TAF3: variants seen among roughly 807,000 people sequenced by gnomAD.
TAF3 encodes transcription initiation factor TFIID subunit 3.
A neutral mutation model predicts 80.6 loss-of-function variants in TAF3; 7 were observed. The ratio of observed to expected loss-of-function variants is 0.09; its 90% CI spans 0.05 to 0.16. The LOEUF (loss-of-function observed/expected upper bound fraction) is 0.16. Ranked by LOEUF, TAF3 falls within the 10% of genes least tolerant of loss-of-function variation. The pLI, the probability that TAF3 is intolerant of heterozygous loss-of-function variation, is 1.00. For missense variants in TAF3, 921 were observed against 1,140.2 expected (o/e 0.81, Z 2.77); for synonymous variants, 444 against 446.1 (o/e 1.00, Z 0.06).
In TAF3 at chr10:7,832,589, G is replaced by C. The variant is rs188725068; in HGVS notation, c.409+8029G>C. Among the ~76,000 whole-genome samples the C allele has an allele frequency of 3.3e-3, 497 of 152,108 alleles. 2 individuals carry two copies. The highest frequency in any genetic ancestry group is 0.013 in the South Asian group (61 of 4,810). On this transcript the variant is annotated intron_variant, in intron 2 of 6. Coordinates refer to ENST00000344293, the MANE Select transcript of TAF3 (RefSeq NM_031923.4). Reference sequence around the variant, plus strand: ...GAGACAGTCTCGCACTGTCACCCAGGCTGGAGTGCAGTGGTGTGATCTCAG... The same window carrying C: ...GAGACAGTCTCGCACTGTCACCCAGCCTGGAGTGCAGTGGTGTGATCTCAG...
chr10:7,959,616 T>G (rs1446362096), intron 2 of TAF3, among the ~76,000 whole-genome samples: 1 of 152,196 alleles, frequency 6.6e-6, no homozygotes, highest in Non-Finnish European at 1.5e-5. Context: ...CAACCATCAT[T>G]AATTTTTGAT....
chr10:7,928,667 T>A (rs1407513069), intron 2 of TAF3, among the ~76,000 whole-genome samples: 4 of 152,216 alleles, frequency 2.6e-5, no homozygotes, highest in Admixed American at 6.5e-5. Flanking sequence ...AATGTTGTAA[T>A]GGTTTTTCTA....
chr10:7,847,431 A>G (rs370190011), intron 2 of TAF3, among the ~76,000 whole-genome samples: 16 of 152,336 alleles, frequency 1.1e-4, no homozygotes, highest in African/African-American at 3.6e-4. Flanking sequence ...TACCTGACAC[A>G]AAAGGTTACA....
chr10:7,959,162 AC>A (rs1286492548), intron 2 of TAF3, among the ~76,000 whole-genome samples: 1,563 of 110,400 alleles, frequency 0.014, 11 homozygotes, highest in South Asian at 0.024. Flanking sequence ...ACACACACAC[AC>A]AAAAAAAGTT....
chr10:8,004,845 C>G lies in TAF3; in HGVS notation c.2316-4233C>G, dbSNP rs115258847. Among the ~76,000 whole-genome samples the G allele has an allele frequency of 1.5e-3, 230 of 152,286 alleles. 1 individual carries two copies. Among genetic ancestry groups the G allele is most frequent in the African/African-American group, 5.4e-3 (224 of 41,564 alleles). On this transcript the variant is annotated intron_variant, in intron 4 of 6. Transcript: ENST00000344293. ...TCTTTCGTCAGTTCTGTAAAAGTCT[C>G]AGGTACTCTTTGTTAACATTCGTCT... is the stretch of plus-strand genomic sequence containing the variant.
intron 2 of TAF3, among the ~76,000 whole-genome samples, chr10:7,875,856 G>A (rs1022699048): frequency 6.6e-6 from 1 of 152,004 alleles, no homozygotes; most frequent in Non-Finnish European, 1.5e-5. Context: ...TAATCCAGAA[G>A]GCAATAAAAG....
At chr10:7,854,013 A>G (rs1837053843) in intron 2 of TAF3, among the ~76,000 whole-genome samples, 1 of 152,216 alleles carries the variant, frequency 6.6e-6, no homozygotes, top group South Asian at 2.1e-4. Context: ...TATATCAACA[A>G]AACTTAGAAG....
At chr10:7,869,759 C>A (rs1252274386) in intron 2 of TAF3, among the ~76,000 whole-genome samples, 1 of 152,222 alleles carries the variant, frequency 6.6e-6, no homozygotes, top group Non-Finnish European at 1.5e-5. Flanking sequence ...CTTCCCTGTG[C>A]CTGCATCTGC....
At chr10:7,869,874 AC>A (rs1156589835) in intron 2 of TAF3, among the ~76,000 whole-genome samples, 1 of 152,176 alleles carries the variant, frequency 6.6e-6, no homozygotes, top group Admixed American at 6.5e-5. Flanking sequence ...AACTATTTGT[AC>A]TTTTTCCATT....
intron 4 of TAF3, among the ~76,000 whole-genome samples, chr10:7,983,205 C>T (rs529577675): frequency 6.6e-6 from 1 of 152,352 alleles, no homozygotes; most frequent in South Asian, 2.1e-4. Context: ...CTTCCCGGGC[C>T]TCCGTTATCA....
intron 1 of TAF3, among the ~76,000 whole-genome samples, chr10:7,823,908 G>T (rs1378232173): frequency 6.6e-6 from 1 of 151,212 alleles, no homozygotes; most frequent in Non-Finnish European, 1.5e-5. Flanking sequence ...TGGGATTACA[G>T]GCGTGAGCCA....
intron 2 of TAF3, among the ~76,000 whole-genome samples, chr10:7,835,941 C>T (rs1261204362): frequency 6.6e-6 from 1 of 152,136 alleles, no homozygotes; most frequent in Non-Finnish European, 1.5e-5. Flanking sequence ...TCCCAGGATT[C>T]CCCTTATTGA....
At chr10:7,895,740 T>C (rs540964504) in intron 2 of TAF3, among the ~76,000 whole-genome samples, 12 of 152,282 alleles carry the variant, frequency 7.9e-5, no homozygotes, top group African/African-American at 2.4e-4. Context: ...TCTACAGTTA[T>C]AGAATTTTTG....
In TAF3 at chr10:7,977,241, A is replaced by G; in HGVS notation, c.2233A>G (p.Ile745Val). The G allele has an allele frequency of 6.2e-7, 1 of 1,614,074 alleles. No individual in the cohort carries two copies. ...KEKEKHKHEK[I>V]KVEPVALAPS... ...AACTTTAATGTGCTAACTTCCACAG[A>G]TAAAAGTGGAACCAGTCGCTCTGGC... The change falls in exon 4 of 7, where the codon ATA becomes GTA. Residue 745 changes from isoleucine to valine, a missense_variant and splice_region_variant. Around this residue, in one of 6 missense-constraint regions of TAF3, gnomAD observed 743 missense variants for 821.0 expected, o/e 0.90. Transcript: ENST00000344293.
intron 2 of TAF3, among the ~76,000 whole-genome samples, chr10:7,904,010 G>A (rs991462960): frequency 2.0e-5 from 3 of 152,126 alleles, no homozygotes; most frequent in Non-Finnish European, 4.4e-5. Context: ...GAAGTTTCAC[G>A]GTGCGTCTGA....
chr10:7,904,494 A>G (rs1348357559), intron 2 of TAF3, among the ~76,000 whole-genome samples: 1 of 28,912 alleles, frequency 3.5e-5, no homozygotes, highest in East Asian at 6.5e-3. Flanking sequence ...TGCCTGATAC[A>G]CGCATTTATC....
At chr10:8,007,097 T>G (rs1832001564) in intron 4 of TAF3, among the ~76,000 whole-genome samples, 1 of 152,174 alleles carries the variant, frequency 6.6e-6, no homozygotes, top group Non-Finnish European at 1.5e-5. Flanking sequence ...CTTGAACAGT[T>G]CTATTTATGA....
rs558262292 is a variant in TAF3, at chr10:7,899,497, C to G, written c.410-64423C>G. On this transcript the variant is annotated intron_variant, in intron 2 of 6. Coordinates refer to ENST00000344293, the MANE Select transcript of TAF3 (RefSeq NM_031923.4). ...TTCTCTTTGCAGTGTTTCTTTCCCT[C>G]TACAGTTAAACCCAGCCATTCACCC... 4.6e-5 allele frequency among the ~76,000 whole-genome samples: 7 copies of G among 152,322 alleles called. No homozygotes were observed. In the South Asian group the frequency reaches 1.4e-3, roughly 32 times the overall value.
intron 3 of TAF3, among the ~76,000 whole-genome samples, chr10:7,972,257 A>G (rs752886552): frequency 1.5e-4 from 23 of 152,264 alleles, no homozygotes; most frequent in African/African-American, 4.8e-4. Context: ...TGGTGAGCAC[A>G]CAGATAAAGT....
Sources: allele counts gnomAD v4.1 joint callset (sites outside exome capture counted in the v4.1 genomes callset), GRCh38; gene constraint gnomAD v4.1.1; regional missense constraint gnomAD v4.1.1; transcripts MANE v1.5; gene names NCBI Gene and HGNC (gene_info 2026-07-23, HGNC 2026-07-21).